KLRC1: variants seen among roughly 807,000 people sequenced by gnomAD.
KLRC1 encodes killer cell lectin like receptor C1.
Under a neutral mutation model 25.9 loss-of-function variants are expected in KLRC1, and 22 were observed. The ratio of observed to expected loss-of-function variants is 0.85; its 90% CI spans 0.61 to 1.21. The LOEUF (loss-of-function observed/expected upper bound fraction) is 1.21. Ranked by LOEUF, KLRC1 falls within the 50% of genes most tolerant of loss-of-function variation. The pLI, the probability that KLRC1 is intolerant of heterozygous loss-of-function variation, is 0.00. For missense variants in KLRC1, 240 were observed against 272.2 expected, an observed-to-expected ratio of 0.88 and a Z score of 0.83; for synonymous variants, 77 against 93.1, an observed-to-expected ratio of 0.83 and a Z score of 0.99.
chr12:10,453,608 C>T (rs1033582265), upstream of KLRC1, among the ~76,000 whole-genome samples: 8 of 152,176 alleles, frequency 5.3e-5, no homozygotes, highest in Non-Finnish European at 8.8e-5. Flanking sequence ...TCAACCCTCA[C>T]CTTGTTAAGA....
In KLRC1 at chr12:10,453,261, C is replaced by A. The variant is rs746262936; in HGVS notation, c.-95G>T. 48 of 985,180 alleles carry A rather than the reference C, an allele frequency of 4.9e-5. No homozygotes were observed. The highest frequency in any genetic ancestry group is 5.8e-5 in the Non-Finnish European group (48 of 829,888). The allele number at this position is 985,180 out of a possible 1,614,324, so 61.0% of individuals were successfully genotyped here. A position where few individuals can be genotyped will look rare whatever the true frequency, so the allele number is the denominator to read the frequency against. ...GGCCAGGTTAGTCTCATAAAAAGGC[C>A]TGCTATAGCTGTGTAATAAAAGGTG... On this transcript the variant is annotated 5_prime_UTR_variant, in exon 1 of 7. It adds an upstream start codon to the 5' untranslated region. Transcript: ENST00000359151.
intron 4 of KLRC1, 101 bp downstream of exon 4, chr12:10,449,813 C>A (rs1591615474): frequency 1.1e-5 from 11 of 969,392 alleles, no homozygotes; most frequent in Non-Finnish European, 1.4e-5. Flanking sequence ...ACACTTATTG[C>A]CAAATTTTAT....
chr12:10,443,213 T>C (rs1465673176), downstream of KLRC1, among the ~76,000 whole-genome samples: 1 of 141,612 alleles, frequency 7.1e-6, no homozygotes, highest in African/African-American at 2.7e-5. Flanking sequence ...CATTTTTACA[T>C]GATGTCATTA....
At position 10,449,219 on chromosome 12, in the gene KLRC1, A is replaced by C; in HGVS notation, c.489+18T>G. 2 of 1,613,492 alleles carry C rather than the reference A, an allele frequency of 1.2e-6. 1 individual carries two copies. The highest frequency in any genetic ancestry group is 2.2e-5 in the South Asian group (2 of 91,052). On this transcript the variant is annotated intron_variant, in intron 5 of 6. Transcript: ENST00000359151. ...GAAAGAAGCTTTTCATAAAGTGTTTAAAACATTTACATCTTACCATTTCTT... is the reference window on the plus strand; with the variant it reads ...GAAAGAAGCTTTTCATAAAGTGTTTCAAACATTTACATCTTACCATTTCTT...
intron 2 of KLRC1, 120 bp downstream of exon 2, chr12:10,450,850 T>C (rs1864108678): frequency 1.3e-6 from 1 of 788,154 alleles, no homozygotes. Flanking sequence ...ATATCTCAAC[T>C]TGGAATTCTG....
At chr12:10,448,824 T>C (rs948719329) in intron 5 of KLRC1, among the ~76,000 whole-genome samples, 7 of 152,132 alleles carry the variant, frequency 4.6e-5, no homozygotes, top group South Asian at 2.1e-4. Context: ...GTCAAGACAG[T>C]GTTTTGGAGA....
rs766251511 is a variant in KLRC1 at position 10,447,662 on chromosome 12, A to G, written c.490-30T>C. 16 of 1,514,842 alleles carry G rather than the reference A, an allele frequency of 1.1e-5. No homozygotes were observed. The African/African-American group carries it at 2.1e-4, about 20-fold the overall frequency. The allele number at this position is 1,514,842 out of a possible 1,614,324, so 93.8% of individuals were successfully genotyped here. A position where few individuals can be genotyped will look rare whatever the true frequency, so the allele number is the denominator to read the frequency against. On this transcript the variant is annotated intron_variant, in intron 5 of 6. Transcript: ENST00000359151. ...AAGAAAAGAAAGAATTTTCACTTAA[A>G]TAATAATTATGAAAACATTACAAAA...
chr12:10,453,352 G>C lies in KLRC1; in HGVS notation c.-186C>G, dbSNP rs960725798. On this transcript the variant is annotated 5_prime_UTR_variant, in exon 1 of 7. Coordinates refer to ENST00000359151, the MANE Select transcript of KLRC1 (RefSeq NM_002259.5). ...CTGCAATCTTCGCAGACTGCCCTGT[G>C]AAGGCTCAGAGTGAGTCAAGAGTGG... The C allele has an allele frequency of 1.0e-6, 1 of 985,304 alleles. No individual in the cohort carries two copies. 61.0% of individuals were successfully genotyped at this position (985,304 alleles called of 1,614,324 possible).
chr12:10,449,606 A>C (rs1163974314), intron 4 of KLRC1, among the ~76,000 whole-genome samples: 2 of 152,228 alleles, frequency 1.3e-5, no homozygotes, highest in Admixed American at 6.5e-5. Flanking sequence ...CATATAAAGC[A>C]AACCAGCAAA....
At chr12:10,451,380 G>A (rs938548440) in intron 1 of KLRC1, 193 bp from the exon 2 acceptor site, 5 of 334,966 alleles carry the variant, frequency 1.5e-5, no homozygotes, top group East Asian at 4.9e-5. Context: ...TTTTTAGGCC[G>A]GGCGCGGTGG....
Position 10,449,925 on chromosome 12 carries a change from C to T in KLRC1, c.326G>A (p.Arg109Lys). 3 of 1,483,466 alleles carry T rather than the reference C, an allele frequency of 2.0e-6. No homozygotes were observed. The highest frequency in any genetic ancestry group is 1.4e-5 in the South Asian group (1 of 72,356). The allele number at this position is 1,483,466 out of a possible 1,614,324, so 91.9% of individuals were successfully genotyped here. ...QRHNNSSLNT[R>K]TQKARHCGHC... ...AAATTATTATATACCTTTCTGAGTT[C>T]TTGTATTCAGGGAAGAATTGTTGTG... Residue 109 changes from arginine to lysine, a missense_variant, in exon 4 of 7, where the codon AGA (arginine) becomes AAA (lysine). Physicochemically the swap from Arg to Lys is conservative, Grantham distance 26. Coordinates refer to ENST00000359151, the MANE Select transcript of KLRC1 (RefSeq NM_002259.5).
chr12:10,453,202 T>C lies in KLRC1; in HGVS notation c.-36A>G. 29 of 985,142 alleles carry C rather than the reference T, an allele frequency of 2.9e-5. No individual in the cohort carries two copies. Among genetic ancestry groups the C allele is most frequent in the Non-Finnish European group, 3.4e-5 (28 of 829,662 alleles). The allele number at this position is 985,142 out of a possible 1,614,324, so 61.0% of individuals were successfully genotyped here. A position where few individuals can be genotyped will look rare whatever the true frequency, so the allele number is the denominator to read the frequency against. On this transcript the variant is annotated 5_prime_UTR_variant, in exon 1 of 7. Coordinates refer to ENST00000359151, the MANE Select transcript of KLRC1 (RefSeq NM_002259.5). Reference sequence around the variant, plus strand: ...TTGGAGAGTAGCAATACATACCTTCTGTCCCCAGAAAGTCACACATCCTTT... The same window carrying C: ...TTGGAGAGTAGCAATACATACCTTCCGTCCCCAGAAAGTCACACATCCTTT...
Position 10,450,599 on chromosome 12 carries a change from A to T in KLRC1, c.188-20T>A. ...GTAAATCTGCAGGGAGAGAAATGGG[A>T]ACAGTGCGAAAGGAGAGGTGGATAC... On this transcript the variant is annotated intron_variant, in intron 2 of 6. Coordinates refer to ENST00000359151, the MANE Select transcript of KLRC1 (RefSeq NM_002259.5). 1 of 1,465,424 alleles carries T rather than the reference A, an allele frequency of 6.8e-7. No homozygotes were observed. Among genetic ancestry groups the T allele is most frequent in the Non-Finnish European group, 9.6e-7 (1 of 1,044,922 alleles). The allele number at this position is 1,465,424 out of a possible 1,614,324, so 90.8% of individuals were successfully genotyped here. A position where few individuals can be genotyped will look rare whatever the true frequency, so the allele number is the denominator to read the frequency against.
chr12:10,450,495 A>G lies in KLRC1; in HGVS notation c.272T>C (p.Val91Ala), dbSNP rs766583271. 1 of 1,593,154 alleles carries G rather than the reference A, an allele frequency of 6.3e-7. No individual in the cohort carries two copies. Among genetic ancestry groups the G allele is most frequent in the South Asian group, 1.1e-5 (1 of 90,516 alleles). Residue 91 changes from valine (V) to alanine (A), a missense_variant, in exon 3 of 7, where the codon GTT (valine) becomes GCT (alanine). Physicochemically the swap from Val to Ala is moderately conservative, Grantham distance 64. Transcript: ENST00000359151. Reference sequence around the variant, plus strand: ...GAAAATAGACTTACAGGGAATAACAACTATCGTTACCACAGAGGCCATTAA... The same window carrying G: ...GAAAATAGACTTACAGGGAATAACAGCTATCGTTACCACAGAGGCCATTAA... ...LILMASVVTI[V>A]VIPSTLIQRH...
Position 10,450,996 on chromosome 12 carries a change from C to G in KLRC1, c.161G>C (p.Gly54Ala), listed in dbSNP as rs1301855382. The change falls in exon 2 of 7, where the codon GGG becomes GCG. Residue 54 changes from glycine to alanine, a missense_variant. Physicochemically the swap from Gly to Ala is moderately conservative, Grantham distance 60 (BLOSUM62 0). Coordinates refer to ENST00000359151, the MANE Select transcript of KLRC1 (RefSeq NM_002259.5). ...TTTGCAGTGATAGGTTTTGTCATTC[C>G]CTTGAAAATCCTGAGAAGCTTTTTG... Reference protein sequence around the residue: ...NLQKASQDFQGNDKTYHCKDL... With the variant: ...NLQKASQDFQANDKTYHCKDL... The G allele has an allele frequency of 6.2e-7, 1 of 1,612,548 alleles. No homozygotes were observed. Among genetic ancestry groups the G allele is most frequent in the African/African-American group, 1.3e-5 (1 of 74,912 alleles).
Position 10,446,543 on chromosome 12 carries a change from CT to C in KLRC1, c.*7del. Reference sequence around the variant, plus strand: ...ATCTGATGCACTGCAAATGCAAACGCTTTACCTCTAAAGCTTATGCTTACAA... The same window carrying C: ...ATCTGATGCACTGCAAATGCAAACGCTTACCTCTAAAGCTTATGCTTACAA... On this transcript the variant is annotated 3_prime_UTR_variant, in exon 7 of 7. Coordinates refer to ENST00000359151, the MANE Select transcript of KLRC1 (RefSeq NM_002259.5). 6.2e-7 allele frequency: 1 copy of C among 1,610,486 alleles called. No individual in the cohort carries two copies. The highest frequency in any genetic ancestry group is 1.1e-5 in the South Asian group (1 of 90,044).
In KLRC1 at chr12:10,446,398, T is replaced by C. The variant is rs1267802236; in HGVS notation, c.*153A>G. 2.8e-6 allele frequency: 4 copies of C among 1,415,264 alleles called. No homozygotes were observed. Among genetic ancestry groups the C allele is most frequent in the South Asian group, 1.6e-5 (1 of 60,808 alleles). 87.7% of individuals were successfully genotyped at this position (1,415,264 alleles called of 1,614,324 possible). ...AAATGCTAGGATGTCTGTACTTTAG[T>C]AATTGTGTGTATCCTGTTTCAATAA... On this transcript the variant is annotated 3_prime_UTR_variant, in exon 7 of 7. Coordinates refer to ENST00000359151, the MANE Select transcript of KLRC1 (RefSeq NM_002259.5).
chr12:10,444,920 T>C (rs1863956948), downstream of KLRC1, among the ~76,000 whole-genome samples: 1 of 142,692 alleles, frequency 7.0e-6, no homozygotes, highest in South Asian at 2.4e-4. Context: ...ACTAATTTTT[T>C]TTTTTTTTTT....
intron 5 of KLRC1, among the ~76,000 whole-genome samples, chr12:10,448,561 C>T (rs1454774882): frequency 2.6e-5 from 4 of 152,180 alleles, no homozygotes; most frequent in Admixed American, 2.6e-4. Context: ...TACCAGTGCA[C>T]CACCCAGGGT....
Sources: allele counts gnomAD v4.1 joint callset (sites outside exome capture counted in the v4.1 genomes callset), GRCh38; gene constraint gnomAD v4.1.1; transcripts MANE v1.5; gene names NCBI Gene and HGNC (gene_info 2026-07-23, HGNC 2026-07-21).